ABI3BP: variants seen among roughly 807,000 people sequenced by gnomAD.
ABI3BP encodes ABI family member 3 binding protein.
In ABI3BP, 216 loss-of-function variants were observed where a neutral mutation model predicts 268.6. The ratio of observed to expected loss-of-function variants is 0.80; its 90% confidence interval spans 0.72 to 0.90. ABI3BP has a LOEUF of 0.90. ABI3BP is among the 40% of genes least tolerant of loss of function. ABI3BP has a pLI of 0.00. For missense variants in ABI3BP, 2,090 were observed against 2,182.4 expected, an observed-to-expected ratio of 0.96 and a Z score of 0.84; for synonymous variants, 730 against 730.0, an observed-to-expected ratio of 1.00 and a Z score of 0.00.
chr3:100,829,461 T>G (rs2098447225), intron 33 of ABI3BP, 120 bp downstream of exon 33: 2 of 874,314 alleles, frequency 2.3e-6, no homozygotes, highest in Non-Finnish European at 1.8e-6. Context: ...TCCCCAGCCC[T>G]GTTCCTCATT....
At chr3:100,852,708 C>T (rs539210806) in intron 14 of ABI3BP, among the ~76,000 whole-genome samples, 89 of 152,298 alleles carry the variant, frequency 5.8e-4, no homozygotes, top group African/African-American at 2.0e-3. Flanking sequence ...TTCTGTGCTT[C>T]TCCATACAGC....
chr3:100,779,228 G>C (rs1461838531), intron 58 of ABI3BP, among the ~76,000 whole-genome samples: 2 of 152,200 alleles, frequency 1.3e-5, no homozygotes, highest in Non-Finnish European at 2.9e-5. Flanking sequence ...GTAGGGAGCA[G>C]GCTCACTGTG....
rs1212546769 is a variant in ABI3BP, at chr3:100,943,478, C to T, written c.80-16997G>A. On this transcript the variant is annotated intron_variant, in intron 1 of 67. Coordinates refer to ENST00000471714, the MANE Select transcript of ABI3BP (RefSeq NM_001375547.2). ...ATTACTGTTTTCCCCAAATGCCATA[C>T]ATCTGTGTAACCCAAACCTTTATCA... 3.9e-5 allele frequency among the ~76,000 whole-genome samples: 6 copies of T among 152,172 alleles called. No individual in the cohort carries two copies. In the South Asian group the frequency reaches 6.2e-4, roughly 16 times the overall value.
chr3:100,957,414 C>T (rs1562044099), intron 1 of ABI3BP, among the ~76,000 whole-genome samples: 1 of 152,128 alleles, frequency 6.6e-6, no homozygotes, highest in South Asian at 2.1e-4. Flanking sequence ...GCTAAACCTG[C>T]ATGTCTATTA....
At chr3:100,888,039 TAGAG>T (rs1481522517) in intron 4 of ABI3BP, among the ~76,000 whole-genome samples, 1 of 151,920 alleles carries the variant, frequency 6.6e-6, no homozygotes, top group Non-Finnish European at 1.5e-5. Context: ...GTTTAATAAA[TAGAG>T]AGAGAGATGA....
intron 42 of ABI3BP, 68 bp from the exon 43 acceptor site, chr3:100,816,836 G>A (rs915884015): frequency 8.1e-6 from 9 of 1,113,370 alleles, no homozygotes; most frequent in East Asian, 5.2e-5. Flanking sequence ...GGTTTTTAAA[G>A]GTATGTCATA....
chr3:100,971,027 T>C (rs1229578032), intron 1 of ABI3BP, among the ~76,000 whole-genome samples: 3 of 152,232 alleles, frequency 2.0e-5, no homozygotes, highest in African/African-American at 2.4e-5. Context: ...TTGGTAATTA[T>C]AACTGTTTCA....
intron 6 of ABI3BP, among the ~76,000 whole-genome samples, chr3:100,878,573 T>C (rs1238960811): frequency 6.6e-6 from 1 of 152,044 alleles, no homozygotes; most frequent in Non-Finnish European, 1.5e-5. Flanking sequence ...AGTAGGAAGA[T>C]AAGTATAACT....
chr3:100,993,181 C>G, intron 1 of ABI3BP, 125 bp downstream of exon 1: 1 of 662,130 alleles, frequency 1.5e-6, no homozygotes, highest in Non-Finnish European at 2.5e-6. Context: ...CACATTTGAA[C>G]TTTGAATCTC....
At chr3:100,968,369 T>C (rs2082162459) in intron 1 of ABI3BP, among the ~76,000 whole-genome samples, 1 of 152,202 alleles carries the variant, frequency 6.6e-6, no homozygotes, top group African/African-American at 2.4e-5. Flanking sequence ...TTCACTTTAT[T>C]ATTCTCTTGC....
chr3:100,969,303 A>G lies in ABI3BP; in HGVS notation c.79+24003T>C, dbSNP rs2082547109. Among the ~76,000 whole-genome samples, 5 of 152,276 alleles carry G rather than the reference A, an allele frequency of 3.3e-5. No homozygotes were observed. The South Asian group carries it at 1.0e-3, about 32-fold the overall frequency. On this transcript the variant is annotated intron_variant, in intron 1 of 67. Coordinates refer to ENST00000471714, the MANE Select transcript of ABI3BP (RefSeq NM_001375547.2). ...AGCTCTTCATTTTAAAGCTGAGGCC[A>G]AGTGTGGTTAGATGACATATGTAGG...
intron 20 of ABI3BP, chr3:100,844,068 C>A (rs6793087): frequency 0.63 from 612,327 of 979,384 alleles, 193,654 homozygotes; most frequent in African/African-American, 0.86. Flanking sequence ...TTCTGACACG[C>A]CTTCTATTTG....
intron 63 of ABI3BP, among the ~76,000 whole-genome samples, chr3:100,765,127 ACTTC>A (rs1467484123): frequency 1.3e-5 from 2 of 151,234 alleles, no homozygotes; most frequent in Non-Finnish European, 2.9e-5. Flanking sequence ...AAAACTTGGA[ACTTC>A]CTTACTACAT....
chr3:100,856,016 A>G (rs1419620175), intron 14 of ABI3BP, among the ~76,000 whole-genome samples: 6 of 152,216 alleles, frequency 3.9e-5, no homozygotes, highest in Admixed American at 3.9e-4. Flanking sequence ...GCCACAGTGA[A>G]TCTACAAAAC....
chr3:100,947,142 A>C lies in ABI3BP; in HGVS notation c.80-20661T>G, dbSNP rs139564451. 2.1e-3 allele frequency among the ~76,000 whole-genome samples: 319 copies of C among 152,268 alleles called. 3 individuals carry two copies. Among genetic ancestry groups the C allele is most frequent in the Non-Finnish European group, 3.9e-3 (267 of 68,010 alleles). On this transcript the variant is annotated intron_variant, in intron 1 of 67. Transcript: ENST00000471714. ...TGAGTCTAAAATGTTTTTCAATATTAATAAAATATTGAAATTTTGAACTAT... is the reference window on the plus strand; with the variant it reads ...TGAGTCTAAAATGTTTTTCAATATTCATAAAATATTGAAATTTTGAACTAT...
At chr3:100,928,419 C>G (rs370004870) in intron 1 of ABI3BP, among the ~76,000 whole-genome samples, 3 of 152,038 alleles carry the variant, frequency 2.0e-5, no homozygotes, top group East Asian at 1.9e-4. Flanking sequence ...TGAATTTATT[C>G]TACGCCACCC....
chr3:100,877,226 A>T (rs1374746449), intron 6 of ABI3BP, among the ~76,000 whole-genome samples: 1 of 152,182 alleles, frequency 6.6e-6, no homozygotes, highest in East Asian at 1.9e-4. Context: ...AGTCCCTCTC[A>T]AAAAGATGCT....
At chr3:100,797,711 T>G in intron 51 of ABI3BP, among the ~76,000 whole-genome samples, 1 of 152,088 alleles carries the variant, frequency 6.6e-6, no homozygotes, top group East Asian at 1.9e-4. Context: ...ACTAGGCTGC[T>G]AAGTATTAGT....
chr3:100,867,883 T>C (rs2099070372), intron 9 of ABI3BP, among the ~76,000 whole-genome samples: 1 of 152,182 alleles, frequency 6.6e-6, no homozygotes, highest in Admixed American at 6.5e-5. Context: ...TTTTCCTCTT[T>C]ATGCAACTAT....
Sources: allele counts gnomAD v4.1 joint callset (sites outside exome capture counted in the v4.1 genomes callset), GRCh38; gene constraint gnomAD v4.1.1; transcripts MANE v1.5; gene names NCBI Gene and HGNC (gene_info 2026-07-23, HGNC 2026-07-21).